Variants in MAP2K5 observed in about 807,000 individuals in gnomAD.
MAP2K5 encodes dual specificity mitogen-activated protein kinase kinase 5.
A neutral mutation model predicts 83.1 loss-of-function variants in MAP2K5; 49 were observed. The observed-to-expected ratio is 0.59, with a 90% CI of 0.47 to 0.75. The LOEUF is 0.75. Ranked by LOEUF, MAP2K5 falls within the 30% of genes least tolerant of loss-of-function variation. The pLI is 0.00. For missense variants in MAP2K5, 457 were observed against 557.5 expected (o/e 0.82, Z 1.82); for synonymous variants, 202 against 191.8 (o/e 1.05, Z -0.44).
intron 6 of MAP2K5, among the ~76,000 whole-genome samples, chr15:67,590,445 C>CTAT (rs61245051): frequency 1.6e-5 from 1 of 61,488 alleles, no homozygotes; most frequent in Non-Finnish European, 3.4e-5. Context: ...CTCCCTCCCT[C>CTAT]CCTCTCTCTC....
At position 67,794,638 on chromosome 15, in the gene MAP2K5, G is replaced by GA. The variant is rs61493121; in HGVS notation, c.1243-11989dup. Among the ~76,000 whole-genome samples the GA allele has an allele frequency of 0.021, 2,405 of 116,428 alleles. 86 individuals are homozygous for GA. Among genetic ancestry groups the GA allele is most frequent in the African/African-American group, 0.069 (2,138 of 31,156 alleles). The allele number at this position is 116,428 out of a possible 152,430, so 76.4% of individuals were successfully genotyped here. On this transcript the variant is annotated intron_variant, in intron 21 of 21. Coordinates refer to ENST00000178640, the MANE Select transcript of MAP2K5 (RefSeq NM_145160.3). This position sits in a 1 kb window ranked among gnomAD's most constrained non-coding sequence, Gnocchi z 4.6. ...CGGGTAACTCTGGAACATCACAGCT[G>GA]AAAAAAAAAAAAAAAAAAAGACGGT...
chr15:67,687,208 C>T (rs2087979524), intron 13 of MAP2K5, among the ~76,000 whole-genome samples: 1 of 152,086 alleles, frequency 6.6e-6, no homozygotes, highest in Admixed American at 6.5e-5. Context: ...GAGGGAAATG[C>T]AGTAAGTTAT....
chr15:67,604,286 G>A (rs2085729502), intron 8 of MAP2K5, among the ~76,000 whole-genome samples: 2 of 152,262 alleles, frequency 1.3e-5, no homozygotes, highest in South Asian at 2.1e-4. Context: ...ATACCTTAAA[G>A]TATGGCCCAA....
chr15:67,707,077 G>A (rs1253206528), intron 16 of MAP2K5, among the ~76,000 whole-genome samples: 2 of 152,056 alleles, frequency 1.3e-5, no homozygotes, highest in African/African-American at 2.4e-5. Flanking sequence ...CACCATGCCC[G>A]GATAATTTTT....
intron 20 of MAP2K5, among the ~76,000 whole-genome samples, chr15:67,772,210 G>A (rs1044712473): frequency 6.6e-6 from 1 of 152,016 alleles, no homozygotes; most frequent in Non-Finnish European, 1.5e-5. Flanking sequence ...TTCCTGACCT[G>A]TTTTATATAC....
rs1253589949 is a variant in MAP2K5 at position 67,676,694 on chromosome 15, TTTAA to T, written c.847+12052_847+12055del. ...TAGCTCTCTTGTATGTATAATTTTA[TTTAA>T]TTGTTATAATAACCTTGTGAGGAGG... On this transcript the variant is annotated intron_variant, in intron 13 of 21. Transcript: ENST00000178640. The surrounding 1 kb of genome is among the most constrained non-coding windows in gnomAD (Gnocchi z 4.8). 6.6e-6 allele frequency among the ~76,000 whole-genome samples: 1 copy of T among 152,242 alleles called. No individual in the cohort carries two copies. The highest frequency in any genetic ancestry group is 1.5e-5 in the Non-Finnish European group (1 of 68,044).
At chr15:67,773,543 T>C (rs1391738267) in intron 21 of MAP2K5, among the ~76,000 whole-genome samples, 1 of 152,248 alleles carries the variant, frequency 6.6e-6, no homozygotes, top group African/African-American at 2.4e-5. Flanking sequence ...GATACCAGTT[T>C]AGAGGTTTTC....
chr15:67,735,668 G>C (rs141792015), intron 17 of MAP2K5, among the ~76,000 whole-genome samples: 24 of 152,328 alleles, frequency 1.6e-4, no homozygotes, highest in African/African-American at 5.8e-4. Context: ...AGGAAACCAA[G>C]AGGGTTTCAC....
Position 67,636,058 on chromosome 15 carries a change from C to T in MAP2K5, c.585+5131C>T, listed in dbSNP as rs892053748. Among the ~76,000 whole-genome samples, 2 of 152,176 alleles carry T rather than the reference C, an allele frequency of 1.3e-5. No individual in the cohort carries two copies. The highest frequency in any genetic ancestry group is 4.8e-5 in the African/African-American group (2 of 41,440). On this transcript the variant is annotated intron_variant, in intron 9 of 21. Transcript: ENST00000178640. This position sits in a 1 kb window ranked among gnomAD's most constrained non-coding sequence, Gnocchi z 4.7. ...GGCTCAAGCAATCCACCCGCCTCCA[C>T]CTATCAAAGTGCTGGGATTACAGGT...
chr15:67,686,363 T>G (rs556586795), intron 13 of MAP2K5, among the ~76,000 whole-genome samples: 1 of 152,152 alleles, frequency 6.6e-6, no homozygotes, highest in Admixed American at 6.5e-5. Context: ...TCCCAGCACT[T>G]TGGGAGGCCA....
At chr15:67,597,071 A>G (rs2085543079) in intron 7 of MAP2K5, among the ~76,000 whole-genome samples, 2 of 151,874 alleles carry the variant, frequency 1.3e-5, no homozygotes, top group African/African-American at 4.8e-5. Context: ...CAGGAGGCTA[A>G]GGCAGGAGAA....
At chr15:67,642,467 C>G in intron 9 of MAP2K5, 1 of 1,607,278 alleles carries the variant, frequency 6.2e-7, no homozygotes, top group East Asian at 2.2e-5. Flanking sequence ...AGGGCCAGAG[C>G]TAGAGATGAA....
chr15:67,597,606 C>T (rs1310825814), intron 7 of MAP2K5, among the ~76,000 whole-genome samples: 2 of 152,138 alleles, frequency 1.3e-5, no homozygotes, highest in Non-Finnish European at 2.9e-5. Context: ...ATATAATGAA[C>T]ACTCTTCCTA....
chr15:67,589,620 T>A (rs1394558989), intron 6 of MAP2K5, among the ~76,000 whole-genome samples: 1 of 152,234 alleles, frequency 6.6e-6, no homozygotes, highest in African/African-American at 2.4e-5. Flanking sequence ...AATCAAAATG[T>A]TATTAATTCA....
chr15:67,761,535 T>G (rs550203806), intron 19 of MAP2K5, among the ~76,000 whole-genome samples: 2 of 152,348 alleles, frequency 1.3e-5, no homozygotes, highest in East Asian at 3.9e-4. Context: ...CAAATGGCAG[T>G]AATTATTTTA....
rs761290293 is a variant in MAP2K5, at chr15:67,543,479, T to C, written c.135+9T>C. ...TCTTCAGGGATGTGCTGGTGAGTGG[T>C]AATCTCAGTGTCCGGATGCCAGCAA... On this transcript the variant is annotated intron_variant, in intron 1 of 21. Transcript: ENST00000178640. This position sits in a 1 kb window ranked among gnomAD's most constrained non-coding sequence, Gnocchi z 4.3. 8 of 1,613,912 alleles carry C rather than the reference T, an allele frequency of 5.0e-6. No individual in the cohort carries two copies. Among genetic ancestry groups the C allele is most frequent in the Non-Finnish European group, 6.8e-6 (8 of 1,179,970 alleles).
rs1262193431 is a variant in MAP2K5 at position 67,780,645 on chromosome 15, A to G, written c.1242+7893A>G. Among the ~76,000 whole-genome samples the G allele has an allele frequency of 6.6e-6, 1 of 152,370 alleles. No individual in the cohort carries two copies. Among genetic ancestry groups the G allele is most frequent in the East Asian group, 1.9e-4 (1 of 5,192 alleles). On this transcript the variant is annotated intron_variant, in intron 21 of 21. Coordinates refer to ENST00000178640, the MANE Select transcript of MAP2K5 (RefSeq NM_145160.3). The surrounding 1 kb of genome is among the most constrained non-coding windows in gnomAD (Gnocchi z 5.0). ...AATTAGGGTGGCCACGCTAGAATAC[A>G]TGGCCAGATAAAAAAGGTTTTTGTT...
chr15:67,792,846 C>G (rs1035641103), intron 21 of MAP2K5, among the ~76,000 whole-genome samples: 3 of 152,172 alleles, frequency 2.0e-5, no homozygotes, highest in African/African-American at 7.2e-5. Flanking sequence ...TTAATGAATT[C>G]AGAGGATCGG....
intron 11 of MAP2K5, among the ~76,000 whole-genome samples, chr15:67,649,973 G>T (rs954650262): frequency 2.0e-5 from 3 of 152,114 alleles, no homozygotes; most frequent in South Asian, 4.2e-4. Flanking sequence ...CTTCCACTCC[G>T]TGAACACAGA....
Sources: allele counts gnomAD v4.1 joint callset (sites outside exome capture counted in the v4.1 genomes callset), GRCh38; gene constraint gnomAD v4.1.1; non-coding constraint Gnocchi (gnomAD v3.1); transcripts MANE v1.5; gene names NCBI Gene and HGNC (gene_info 2026-07-23, HGNC 2026-07-21).